Variants in WDR7 observed in about 807,000 individuals in gnomAD.
The protein encoded by WDR7 is WD repeat-containing protein 7.
In WDR7, 46 loss-of-function variants were observed where a neutral mutation model predicts 169.4. The ratio of observed to expected loss-of-function variants is 0.27; its 90% CI spans 0.21 to 0.35. The LOEUF is 0.35. Among genes scored for constraint, WDR7 ranks in the 10% least tolerant of loss-of-function variants. WDR7 has a pLI of 1.00. For synonymous variants in WDR7, 612 were observed against 666.8 expected (o/e 0.92, Z 1.27); for missense variants, 1,534 against 1,859.3 (o/e 0.83, Z 3.22).
At chr18:57,012,561 G>A (rs899781172) in intron 26 of WDR7, among the ~76,000 whole-genome samples, 16 of 152,220 alleles carry the variant, frequency 1.1e-4, no homozygotes, top group African/African-American at 3.4e-4. Context: ...CTCCAGCACC[G>A]CCACAAGCTC....
intron 14 of WDR7, among the ~76,000 whole-genome samples, chr18:56,736,655 T>A (rs1196574385): frequency 6.6e-6 from 1 of 151,636 alleles, no homozygotes; most frequent in Admixed American, 6.6e-5. Flanking sequence ...GTGTGTAGGT[T>A]TAGTAATTAG....
chr18:56,760,552 G>T (rs1314443140), intron 16 of WDR7, among the ~76,000 whole-genome samples: 3 of 152,132 alleles, frequency 2.0e-5, no homozygotes, highest in African/African-American at 7.2e-5. Flanking sequence ...TGAATGAATA[G>T]ATCACAGTTT....
chr18:56,912,057 A>T (rs1215169481), intron 21 of WDR7, among the ~76,000 whole-genome samples: 3 of 152,200 alleles, frequency 2.0e-5, no homozygotes, highest in Non-Finnish European at 4.4e-5. Flanking sequence ...AATCTGTGGC[A>T]AGCCCCCCTT....
At chr18:56,928,849 A>G (rs1434396638) in intron 22 of WDR7, among the ~76,000 whole-genome samples, 2 of 152,116 alleles carry the variant, frequency 1.3e-5, no homozygotes, top group African/African-American at 2.4e-5. Context: ...TTCAAACCCT[A>G]CTCTAGCTTA....
intron 12 of WDR7, among the ~76,000 whole-genome samples, chr18:56,705,528 C>T (rs939405534): frequency 6.6e-6 from 1 of 152,104 alleles, no homozygotes; most frequent in Non-Finnish European, 1.5e-5. Flanking sequence ...ATAAATGATA[C>T]ATTAACAACC....
chr18:56,973,485 A>C (rs1449393748), intron 26 of WDR7, among the ~76,000 whole-genome samples: 2 of 152,080 alleles, frequency 1.3e-5, no homozygotes, highest in East Asian at 3.9e-4. Context: ...ATATATACAT[A>C]TTGTGTGTGG....
In WDR7 at chr18:56,718,107, C is replaced by T. The variant is rs146110977; in HGVS notation, c.1722C>T (p.Tyr574=). ...QVIKWRPSDD[Y]LVVGCSDGSV... Reference sequence around the variant, plus strand: ...TCAAATGGAGGCCTTCTGATGATTACCTGGTGGTGGGGTGTTCAGATGGTT... The same window carrying T: ...TCAAATGGAGGCCTTCTGATGATTATCTGGTGGTGGGGTGTTCAGATGGTT... The change falls in exon 13 of 28, where the codon TAC becomes TAT. Residue 574 remains tyrosine (Y), a synonymous_variant. Transcript: ENST00000254442. 6 of 1,613,944 alleles carry T rather than the reference C, an allele frequency of 3.7e-6. No individual in the cohort carries two copies. The South Asian group carries it at 5.5e-5, about 15-fold the overall frequency.
chr18:56,862,659 A>G (rs1263517142), intron 20 of WDR7, among the ~76,000 whole-genome samples: 5 of 151,858 alleles, frequency 3.3e-5, no homozygotes, highest in African/African-American at 1.2e-4. Context: ...TTTTTTAATT[A>G]TGTCTTTCAG....
intron 13 of WDR7, among the ~76,000 whole-genome samples, chr18:56,727,603 A>G (rs985703119): frequency 2.6e-5 from 4 of 152,156 alleles, no homozygotes; most frequent in Non-Finnish European, 2.9e-5. Flanking sequence ...TATTAGGAGA[A>G]CAGCATAGAG....
At chr18:57,019,012 G>T (rs1159925017) in intron 26 of WDR7, among the ~76,000 whole-genome samples, 1 of 152,108 alleles carries the variant, frequency 6.6e-6, no homozygotes, top group Non-Finnish European at 1.5e-5. Context: ...TCTTAAATTA[G>T]TACATTTATG....
At chr18:56,786,918 C>G (rs1185051132) in intron 19 of WDR7, among the ~76,000 whole-genome samples, 1 of 151,038 alleles carries the variant, frequency 6.6e-6, no homozygotes, top group African/African-American at 2.4e-5. Context: ...ATAGTTTTTG[C>G]CATTAAAAGT....
At chr18:56,908,692 C>T (rs2046512891) in intron 21 of WDR7, among the ~76,000 whole-genome samples, 1 of 152,112 alleles carries the variant, frequency 6.6e-6, no homozygotes, top group South Asian at 2.1e-4. Context: ...TATCATCTCC[C>T]TCACAAGTCT....
chr18:56,666,369 A>G (rs934844246), intron 1 of WDR7, among the ~76,000 whole-genome samples: 1 of 151,748 alleles, frequency 6.6e-6, no homozygotes, highest in Non-Finnish European at 1.5e-5. Flanking sequence ...ATGCCCAGCT[A>G]ATTTTTTATT....
chr18:56,916,635 T>C (rs2046630071), intron 21 of WDR7, among the ~76,000 whole-genome samples: 1 of 152,216 alleles, frequency 6.6e-6, no homozygotes, highest in Non-Finnish European at 1.5e-5. Context: ...ATGGAAACTA[T>C]TTTTTAAAAA....
At chr18:57,034,700 C>T (rs117423635), downstream of WDR7, 1,141 of 152,328 alleles carry the variant, frequency 7.5e-3, 4 homozygotes, top group Non-Finnish European at 0.012. Flanking sequence ...ATTATAAAGA[C>T]GATGGACTTG....
chr18:56,776,733 G>A, intron 16 of WDR7, 49 bp from the exon 17 acceptor site: 1 of 1,523,912 alleles, frequency 6.6e-7, no homozygotes, highest in Non-Finnish European at 9.1e-7. Flanking sequence ...TTCAGAAACT[G>A]CTGTACTTCA....
chr18:56,785,756 G>A lies in WDR7; in HGVS notation c.3190+4100G>A, dbSNP rs189851942. Among the ~76,000 whole-genome samples the A allele has an allele frequency of 6.8e-4, 104 of 151,826 alleles. 1 individual carries two copies. Among genetic ancestry groups the A allele is most frequent in the African/African-American group, 1.7e-3 (69 of 41,424 alleles). On this transcript the variant is annotated intron_variant, in intron 19 of 27. Coordinates refer to ENST00000254442, the MANE Select transcript of WDR7 (RefSeq NM_015285.3). Reference sequence around the variant, plus strand: ...TAGGTACATTATGCAATAAAAAGCCGTTTGCAGGTTAGTTTGAGAATGTAA... The same window carrying A: ...TAGGTACATTATGCAATAAAAAGCCATTTGCAGGTTAGTTTGAGAATGTAA...
Position 56,924,111 on chromosome 18 carries a change from A to G in WDR7, c.3713+3A>G. ...GATGCCGAGAAACAACTTGCCAAGT[A>G]TGTGTGGATTCCGGTTAATTTAATT... is the stretch of plus-strand genomic sequence containing the variant. On this transcript the variant is annotated splice_donor_region_variant and intron_variant, in intron 22 of 27. Transcript: ENST00000254442. The G allele has an allele frequency of 1.9e-6, 3 of 1,611,140 alleles. No individual in the cohort carries two copies. The highest frequency in any genetic ancestry group is 1.3e-5 in the African/African-American group (1 of 74,894).
At chr18:57,033,536 C>CTATTA (rs1568036730), downstream of WDR7, 1 of 152,096 alleles carries the variant, frequency 6.6e-6, no homozygotes, top group Non-Finnish European at 1.5e-5. Flanking sequence ...AAGATTTTTC[C>CTATTA]GGCTTTAGTG....
Sources: allele counts gnomAD v4.1 joint callset (sites outside exome capture counted in the v4.1 genomes callset), GRCh38; gene constraint gnomAD v4.1.1; transcripts MANE v1.5; gene names NCBI Gene and HGNC (gene_info 2026-07-23, HGNC 2026-07-21).